Variants in RAI1 observed in about 807,000 individuals in gnomAD.
The protein encoded by RAI1 is retinoic acid induced 1, also known as retinoic acid-induced protein 1.
In RAI1, 9 loss-of-function variants were observed where a neutral mutation model predicts 123.8. That is an observed-to-expected ratio of 0.07 (90% CI 0.04 to 0.13). The LOEUF is 0.13. RAI1 is among the 10% of genes least tolerant of loss of function. The pLI is 1.00. For synonymous variants in RAI1, 1,231 were observed against 1,127.3 expected (o/e 1.09, Z -1.84); for missense variants, 2,256 against 2,545.8 (o/e 0.89, Z 2.45).
chr17:17,742,820 C>T lies in RAI1; in HGVS notation c.-17+18661C>T, dbSNP rs768438892. Among the ~76,000 whole-genome samples, 6 of 152,182 alleles carry T rather than the reference C, an allele frequency of 3.9e-5. No individual in the cohort carries two copies. In the East Asian group the frequency reaches 7.7e-4, roughly 20 times the overall value. ...TGTTCTACAACCCTATGGGGCCCCT[C>T]GGCCATCCCTGTCCCCAGTGAGATC... is the stretch of plus-strand genomic sequence containing the variant. On this transcript the variant is annotated intron_variant, in intron 2 of 5. Coordinates refer to ENST00000353383, the MANE Select transcript of RAI1 (RefSeq NM_030665.4).
chr17:17,791,477 C>T (rs545057218), intron 2 of RAI1, among the ~76,000 whole-genome samples: 1 of 152,294 alleles, frequency 6.6e-6, no homozygotes, highest in East Asian at 1.9e-4. Flanking sequence ...CCCTCTCCCC[C>T]TCTCTTTGTC....
chr17:17,686,028 G>A (rs1016555371), intron 1 of RAI1, among the ~76,000 whole-genome samples: 14 of 152,214 alleles, frequency 9.2e-5, no homozygotes, highest in African/African-American at 3.1e-4. Flanking sequence ...GTGGCATAGC[G>A]TTTATCACGG....
rs977378594 is a variant in RAI1, at chr17:17,810,965, G to T, written c.*984G>T. 1 of 323,860 alleles carries T rather than the reference G, an allele frequency of 3.1e-6. No homozygotes were observed. Among genetic ancestry groups the T allele is most frequent in the Non-Finnish European group, 6.3e-6 (1 of 158,162 alleles). 20.1% of individuals were successfully genotyped at this position (323,860 alleles called of 1,614,324 possible). A position where few individuals can be genotyped will look rare whatever the true frequency, so the allele number is the denominator to read the frequency against. ...TTGGGAACATGCTCGCTTCTCCCGTGTGTCGCCGCCGTGCGTCGTGCGCCC... is the reference window on the plus strand; with the variant it reads ...TTGGGAACATGCTCGCTTCTCCCGTTTGTCGCCGCCGTGCGTCGTGCGCCC... On this transcript the variant is annotated 3_prime_UTR_variant, in exon 6 of 6. Transcript: ENST00000353383. The surrounding 1 kb of genome is among the most constrained non-coding windows in gnomAD (Gnocchi z 4.6).
Position 17,796,740 on chromosome 17 carries a change from G to A in RAI1, c.3792G>A (p.Glu1264=), listed in dbSNP as rs764517447. 1.2e-6 allele frequency: 2 copies of A among 1,613,490 alleles called. No individual in the cohort carries two copies. The highest frequency in any genetic ancestry group is 2.2e-5 in the South Asian group (2 of 91,084). Residue 1264 remains glutamate (E), a synonymous_variant, in exon 3 of 6, where the codon GAG becomes GAA. Transcript: ENST00000353383. The surrounding 1 kb of genome is among the most constrained non-coding windows in gnomAD (Gnocchi z 5.8). ...NGGDGKEERP[E]GSPTLFKRMS... is the part of the protein sequence containing the mutation. ...GAGATGGGAAGGAGGAGAGGCCTGA[G>A]GGTTCCCCCACCCTCTTCAAGAGGA...
At chr17:17,722,775 A>C (rs1432578765) in intron 1 of RAI1, among the ~76,000 whole-genome samples, 1 of 152,110 alleles carries the variant, frequency 6.6e-6, no homozygotes, top group Non-Finnish European at 1.5e-5. Context: ...AAGCGGCAGG[A>C]TCTCCAAGCT....
At chr17:17,708,232 T>C (rs1483476174) in intron 1 of RAI1, among the ~76,000 whole-genome samples, 2 of 152,048 alleles carry the variant, frequency 1.3e-5, no homozygotes, top group South Asian at 4.1e-4. Context: ...GACCCTGAGG[T>C]GGCAGCAGGA....
At chr17:17,722,206 C>T (rs1319697280) in intron 1 of RAI1, among the ~76,000 whole-genome samples, 3 of 152,014 alleles carry the variant, frequency 2.0e-5, no homozygotes, top group African/African-American at 7.3e-5. Context: ...TGCAGTAACT[C>T]CGGTAGATGG....
At chr17:17,786,089 C>T (rs552860846) in intron 2 of RAI1, among the ~76,000 whole-genome samples, 80 of 152,268 alleles carry the variant, frequency 5.3e-4, no homozygotes, top group Admixed American at 2.9e-3. Flanking sequence ...GGCCGCAGTC[C>T]GCTGGTGCTG....
At chr17:17,798,772 T>G (rs1402265122) in intron 3 of RAI1, among the ~76,000 whole-genome samples, 1 of 152,028 alleles carries the variant, frequency 6.6e-6, no homozygotes, top group Non-Finnish European at 1.5e-5. Context: ...ACCGCCACTC[T>G]CCCACTCACC....
chr17:17,689,096 C>T (rs1304867168), intron 1 of RAI1, among the ~76,000 whole-genome samples: 1 of 151,972 alleles, frequency 6.6e-6, no homozygotes, highest in Non-Finnish European at 1.5e-5. Context: ...GCTGGGATTA[C>T]AGGTACGCAC....
At chr17:17,688,857 C>G (rs545727682) in intron 1 of RAI1, among the ~76,000 whole-genome samples, 2 of 152,256 alleles carry the variant, frequency 1.3e-5, no homozygotes, top group East Asian at 3.9e-4. Flanking sequence ...CTCGGCCTCC[C>G]AAAGTGCTGG....
chr17:17,683,456 G>A (rs1914515141), intron 1 of RAI1: 1 of 152,256 alleles, frequency 6.6e-6, no homozygotes, highest in Non-Finnish European at 1.5e-5. Flanking sequence ...CACACAGCTG[G>A]GTTTTCAGAG....
rs905704649 is a variant in RAI1, at chr17:17,810,037, G to A, written c.*56G>A. ...GGAGCCCGCCTGCCCGCCCGCCGCC[G>A]AAGGAGAGGAGCCGCCTGCGCAGCC... is the stretch of plus-strand genomic sequence containing the variant. On this transcript the variant is annotated 3_prime_UTR_variant, in exon 6 of 6. Transcript: ENST00000353383. This position sits in a 1 kb window ranked among gnomAD's most constrained non-coding sequence, Gnocchi z 4.6. 10 of 1,541,896 alleles carry A rather than the reference G, an allele frequency of 6.5e-6. No individual in the cohort carries two copies. The highest frequency in any genetic ancestry group is 2.8e-5 in the African/African-American group (2 of 72,632).
intron 1 of RAI1, among the ~76,000 whole-genome samples, chr17:17,719,165 G>A (rs1915800084): frequency 6.6e-6 from 1 of 152,122 alleles, no homozygotes; most frequent in Non-Finnish European, 1.5e-5. Context: ...CTCTTCACAG[G>A]GAGAAACTCT....
Position 17,793,634 on chromosome 17 carries a change from G to T in RAI1, c.686G>T (p.Gly229Val), listed in dbSNP as rs757647951. 1.2e-6 allele frequency: 2 copies of T among 1,613,164 alleles called. No individual in the cohort carries two copies. Among genetic ancestry groups the T allele is most frequent in the African/African-American group, 2.7e-5 (2 of 74,878 alleles). ...ACCTACTCCTCCTCTGTCCAGGGTG[G>T]TGGGCAGGGGGCCCACTCCTATAAG... ...SSTYSSSVQGGGQGAHSYKSC... is the reference protein window; with the variant it reads ...SSTYSSSVQGVGQGAHSYKSC... Residue 229 changes from glycine to valine, a missense_variant, in exon 3 of 6, where the codon GGT becomes GTT. Around this residue, in one of 7 missense-constraint regions of RAI1, gnomAD observed 336 missense variants for 349.8 expected, o/e 0.96. Coordinates refer to ENST00000353383, the MANE Select transcript of RAI1 (RefSeq NM_030665.4).
In RAI1 at chr17:17,808,557, C is replaced by G. The variant is rs373724888; in HGVS notation, c.5660-833C>G. Among the ~76,000 whole-genome samples, 48 of 152,140 alleles carry G rather than the reference C, an allele frequency of 3.2e-4. No homozygotes were observed. The East Asian group carries it at 5.2e-3, about 17-fold the overall frequency. ...CCGCCTCCCAGGCTCAAGTGATCCT[C>G]CCGCCCCAGCCTCTCGAGTAGCTGG... On this transcript the variant is annotated intron_variant, in intron 4 of 5. Transcript: ENST00000353383.
chr17:17,740,345 T>C (rs892268083), intron 2 of RAI1, among the ~76,000 whole-genome samples: 2 of 152,146 alleles, frequency 1.3e-5, no homozygotes, highest in Non-Finnish European at 2.9e-5. Context: ...GCTGGTGGTG[T>C]TCCTCTTCCT....
In RAI1 at chr17:17,754,191, C is replaced by CTTTTT. The variant is rs1158475382; in HGVS notation, c.-17+30058_-17+30062dup. 7.6e-3 allele frequency among the ~76,000 whole-genome samples: 572 copies of CTTTTT among 75,698 alleles called. 39 individuals carry two copies. The highest frequency in any genetic ancestry group is 0.025 in the African/African-American group (430 of 17,340). The allele number at this position is 75,698 out of a possible 152,430, so 49.7% of individuals were successfully genotyped here. On this transcript the variant is annotated intron_variant, in intron 2 of 5. Transcript: ENST00000353383. ...TTTTATGCCATTCGCCTAACCCAATCTTTTTTTTTTTTTTTTTTTTTTTTT... is the reference window on the plus strand; with the variant it reads ...TTTTATGCCATTCGCCTAACCCAATCTTTTTTTTTTTTTTTTTTTTTTTTTTTTTT...
intron 3 of RAI1, 151 bp from the exon 4 acceptor site, chr17:17,803,605 C>A (rs996980646): frequency 1.4e-6 from 1 of 731,394 alleles, no homozygotes; most frequent in African/African-American, 1.7e-5. Context: ...AGGCTGGTAT[C>A]AAACTCCTGG....
Sources: gnomAD v4.1 joint callset for allele counts (sites outside exome capture counted in the v4.1 genomes callset) on GRCh38, gnomAD v4.1.1 for gene constraint, gnomAD v4.1.1 regional missense constraint, Gnocchi (gnomAD v3.1) non-coding constraint, MANE v1.5 for transcripts, NCBI Gene and HGNC (gene_info 2026-07-23, HGNC 2026-07-21) for gene names.